GALNT9: variants seen among roughly 807,000 people sequenced by gnomAD.
The protein encoded by GALNT9 is GalNAc transferase 9.
A neutral mutation model predicts 63.1 loss-of-function variants in GALNT9; 47 were observed. That is an observed-to-expected ratio of 0.75 (90% confidence interval 0.59 to 0.95). The LOEUF is 0.95. Among genes scored for constraint, GALNT9 ranks in the 40% least tolerant of loss-of-function variants. GALNT9 has a pLI of 0.00. For missense variants in GALNT9, 829 were observed against 874.8 expected (o/e 0.95, Z 0.66); for synonymous variants, 396 against 365.7 (o/e 1.08, Z -0.94).
intron 4 of GALNT9, 34 bp downstream of exon 4, chr12:132,260,914 T>C: frequency 2.0e-6 from 3 of 1,492,648 alleles, no homozygotes; most frequent in Non-Finnish European, 1.8e-6. Context: ...GGGGACCCGC[T>C]GAGACTGGCT....
chr12:132,297,777 C>T (rs1555243392), intron 1 of GALNT9, among the ~76,000 whole-genome samples: 1 of 151,930 alleles, frequency 6.6e-6, no homozygotes, highest in African/African-American at 2.4e-5. Flanking sequence ...ACAACCAAAC[C>T]GATCCCACAA....
intron 1 of GALNT9, among the ~76,000 whole-genome samples, chr12:132,324,804 C>T (rs913679412): frequency 3.3e-5 from 5 of 152,136 alleles, no homozygotes; most frequent in Non-Finnish European, 4.4e-5. Flanking sequence ...TCATGGTGCC[C>T]GGACTCCTGG....
At position 132,257,669 on chromosome 12, in the gene GALNT9, C is replaced by T. The variant is rs1879188767; in HGVS notation, c.959+20G>A. The stretch of plus-strand genomic sequence containing the variant: ...CCTTGCCGGGCAGGGCCGCCCTCGA[C>T]CCCTGAGGGCGCAGCTCACCTGATG... On this transcript the variant is annotated intron_variant, in intron 5 of 10. Coordinates refer to ENST00000328957, the MANE Select transcript of GALNT9 (RefSeq NM_001122636.2). The T allele has an allele frequency of 5.2e-6, 8 of 1,533,314 alleles. No homozygotes were observed. The highest frequency in any genetic ancestry group is 6.2e-6 in the Non-Finnish European group (7 of 1,133,932). The allele number at this position is 1,533,314 out of a possible 1,614,324, so 95.0% of individuals were successfully genotyped here.
Position 132,286,818 on chromosome 12 carries a change from A to G in GALNT9, c.239-388T>C, listed in dbSNP as rs1160500232. ...AGCCTGGACCTCCCAGGCTCAAGCA[A>G]TCCTCCCACCTCAGCCTCCTGAGTA... On this transcript the variant is annotated intron_variant, in intron 1 of 10. Transcript: ENST00000328957. The surrounding 1 kb of genome is among the most constrained non-coding windows in gnomAD (Gnocchi z 7.4). Among the ~76,000 whole-genome samples the G allele has an allele frequency of 6.6e-6, 1 of 151,982 alleles. No individual in the cohort carries two copies. The highest frequency in any genetic ancestry group is 1.5e-5 in the Non-Finnish European group (1 of 67,966).
chr12:132,212,939 G>A (rs1287857297), intron 6 of GALNT9, among the ~76,000 whole-genome samples: 3 of 127,568 alleles, frequency 2.4e-5, no homozygotes, highest in Non-Finnish European at 3.3e-5. Context: ...AACCCCACCC[G>A]GGTCTGCAGC....
intron 1 of GALNT9, among the ~76,000 whole-genome samples, chr12:132,320,386 G>C (rs868965115): frequency 3.3e-4 from 50 of 152,320 alleles, no homozygotes; most frequent in African/African-American, 1.1e-3. Flanking sequence ...CCCCACCTCG[G>C]ATCTTTCTGG....
At chr12:132,314,843 C>A (rs573325645) in intron 1 of GALNT9, among the ~76,000 whole-genome samples, 1 of 152,222 alleles carries the variant, frequency 6.6e-6, no homozygotes, top group Non-Finnish European at 1.5e-5. Context: ...TTGGGCAGAG[C>A]GGAACTAGCT....
chr12:132,257,041 G>A (rs1555239135), intron 5 of GALNT9, among the ~76,000 whole-genome samples: 1 of 152,190 alleles, frequency 6.6e-6, no homozygotes, highest in Non-Finnish European at 1.5e-5. Context: ...ATGAGGAGCA[G>A]GGGGGCAGCC....
intron 1 of GALNT9, among the ~76,000 whole-genome samples, chr12:132,328,405 T>C (rs921595375): frequency 6.6e-6 from 1 of 152,134 alleles, no homozygotes; most frequent in Non-Finnish European, 1.5e-5. Flanking sequence ...GCTTCTCCCA[T>C]AACAACTTTC....
At chr12:132,269,486 G>T (rs1879786667) in intron 2 of GALNT9, among the ~76,000 whole-genome samples, 4 of 151,976 alleles carry the variant, frequency 2.6e-5, no homozygotes, top group Admixed American at 2.0e-4. Context: ...AAGAGAAGGT[G>T]GAGGGGCGTC....
chr12:132,285,734 G>A (rs1880560373), intron 2 of GALNT9, among the ~76,000 whole-genome samples: 1 of 152,236 alleles, frequency 6.6e-6, no homozygotes. Context: ...CAGCTTCCGT[G>A]ATCCCCAGAT....
rs2136896445 is a variant in GALNT9, at chr12:132,239,088, CG to C, written c.1077+8821del. Among the ~76,000 whole-genome samples the C allele has an allele frequency of 3.0e-4, 42 of 142,106 alleles. No individual in the cohort carries two copies. The East Asian group carries it at 6.1e-3, about 21-fold the overall frequency. The allele number at this position is 142,106 out of a possible 152,430, so 93.2% of individuals were successfully genotyped here. A position where few individuals can be genotyped will look rare whatever the true frequency, so the allele number is the denominator to read the frequency against. On this transcript the variant is annotated intron_variant, in intron 6 of 10. Coordinates refer to ENST00000328957, the MANE Select transcript of GALNT9 (RefSeq NM_001122636.2). The stretch of plus-strand genomic sequence containing the variant: ...AATAATCAGAAAGCTTAGAAGAGAA[CG>C]GGGGTACTTTTCAGGATGAGGGAGA...
At chr12:132,235,283 C>G (rs983689628) in intron 6 of GALNT9, among the ~76,000 whole-genome samples, 13 of 151,970 alleles carry the variant, frequency 8.6e-5, no homozygotes, top group Non-Finnish European at 1.3e-4. Flanking sequence ...AGTGAGGAGC[C>G]GGGTGCGGTG....
intron 5 of GALNT9, 114 bp downstream of exon 5, chr12:132,257,575 G>A (rs145042362): frequency 2.0e-5 from 11 of 557,982 alleles, no homozygotes; most frequent in African/African-American, 9.3e-5. Context: ...CCACGCCCTC[G>A]TCCCCAGCCC....
chr12:132,263,481 T>A (rs56903041), intron 2 of GALNT9, among the ~76,000 whole-genome samples: 4 of 147,850 alleles, frequency 2.7e-5, no homozygotes, highest in African/African-American at 1.0e-4. Flanking sequence ...GTTGGGGTGG[T>A]GGGCAGAGGC....
intron 6 of GALNT9, chr12:132,247,465 C>T (rs1878744140): frequency 2.6e-6 from 1 of 385,730 alleles, no homozygotes; most frequent in African/African-American, 2.1e-5. Flanking sequence ...CTCAGGGACC[C>T]TGGGAGCCTT....
chr12:132,205,505 C>G (rs1025728108), intron 6 of GALNT9: 1 of 151,808 alleles, frequency 6.6e-6, no homozygotes, highest in Non-Finnish European at 1.5e-5. Flanking sequence ...AGCCTCCTCG[C>G]TGCTCAGCTC....
At chr12:132,276,041 T>C (rs1179460219) in intron 2 of GALNT9, among the ~76,000 whole-genome samples, 4 of 152,220 alleles carry the variant, frequency 2.6e-5, no homozygotes, top group Non-Finnish European at 4.4e-5. Context: ...GAATCCACAT[T>C]GCAGCAGGAA....
At chr12:132,288,009 C>A (rs1222811222) in intron 1 of GALNT9, among the ~76,000 whole-genome samples, 1 of 152,224 alleles carries the variant, frequency 6.6e-6, no homozygotes, top group Non-Finnish European at 1.5e-5. Flanking sequence ...ACAGAGAGGT[C>A]TCTGGTCCTC....
Sources: allele counts gnomAD v4.1 joint callset (sites outside exome capture counted in the v4.1 genomes callset), GRCh38; gene constraint gnomAD v4.1.1; non-coding constraint Gnocchi (gnomAD v3.1); transcripts MANE v1.5; gene names NCBI Gene and HGNC (gene_info 2026-07-23, HGNC 2026-07-21).